The following TRPC4 variants were observed in gnomAD, a reference collection of about 807,000 sequenced individuals.
TRPC4 encodes the protein transient receptor potential cation channel subfamily C member 4, also known as short transient receptor potential channel 4.
Under a neutral mutation model 99.4 loss-of-function variants are expected in TRPC4, and 49 were observed. The ratio of observed to expected loss-of-function variants is 0.49; its 90% CI spans 0.39 to 0.63. The LOEUF (loss-of-function observed/expected upper bound fraction) is 0.63, where lower values mean the gene tolerates loss of function less well. Among genes scored for constraint, TRPC4 ranks in the 20% least tolerant of loss-of-function variants. The pLI is 0.00. For synonymous variants in TRPC4, 454 were observed against 425.9 expected (o/e 1.07, Z -0.81); for missense variants, 898 against 1,152.9 (o/e 0.78, Z 3.20).
intron 5 of TRPC4, among the ~76,000 whole-genome samples, chr13:37,665,829 C>A (rs527400413): frequency 7.7e-5 from 10 of 129,742 alleles, no homozygotes; most frequent in African/African-American, 3.0e-4. Context: ...GGTAAATTAT[C>A]TCAGCTGAGA....
chr13:37,722,692 T>C (rs559697677), intron 3 of TRPC4, among the ~76,000 whole-genome samples: 1 of 152,346 alleles, frequency 6.6e-6, no homozygotes, highest in East Asian at 1.9e-4. Flanking sequence ...ATGTAGTTTA[T>C]TTCTACACAT....
intron 1 of TRPC4, among the ~76,000 whole-genome samples, chr13:37,857,932 A>G (rs989155889): frequency 1.3e-5 from 2 of 151,834 alleles, no homozygotes; most frequent in African/African-American, 4.8e-5. Flanking sequence ...CATCAAGTTA[A>G]AAAGTTTCTG....
intron 1 of TRPC4, among the ~76,000 whole-genome samples, chr13:37,806,002 T>G (rs567290626): frequency 6.6e-6 from 1 of 152,054 alleles, no homozygotes; most frequent in South Asian, 2.1e-4. Context: ...CAGGATAAAG[T>G]AAGAACAAAA....
intron 8 of TRPC4, among the ~76,000 whole-genome samples, chr13:37,640,284 T>C (rs573669708): frequency 6.6e-6 from 1 of 152,228 alleles, no homozygotes; most frequent in African/African-American, 2.4e-5. Flanking sequence ...CCTTAATAAA[T>C]AATCATAGGC....
chr13:37,861,102 A>G (rs1319287142), intron 1 of TRPC4, among the ~76,000 whole-genome samples: 1 of 151,526 alleles, frequency 6.6e-6, no homozygotes, highest in Non-Finnish European at 1.5e-5. Context: ...GAAGCATTAT[A>G]AGAAAGTAGA....
At chr13:37,779,436 C>A (rs1291912035) in intron 2 of TRPC4, among the ~76,000 whole-genome samples, 1 of 150,908 alleles carries the variant, frequency 6.6e-6, no homozygotes, top group East Asian at 2.0e-4. Context: ...AAAAAAAACC[C>A]AACTAAATTC....
intron 1 of TRPC4, among the ~76,000 whole-genome samples, chr13:37,806,830 C>T (rs966700273): frequency 1.3e-5 from 2 of 152,114 alleles, no homozygotes; most frequent in South Asian, 2.1e-4. Flanking sequence ...GTGTCACGTC[C>T]AAACATAAGC....
At chr13:37,724,544 TAGGGAAGAAGG>T (rs1377634879) in intron 3 of TRPC4, among the ~76,000 whole-genome samples, 2 of 152,218 alleles carry the variant, frequency 1.3e-5, no homozygotes, top group African/African-American at 4.8e-5. Context: ...TATGAAGTTC[TAGGGAAGAAGG>T]ATTAGCAAAT....
intron 8 of TRPC4, among the ~76,000 whole-genome samples, chr13:37,640,459 AC>A (rs1471697543): frequency 6.6e-6 from 1 of 152,168 alleles, no homozygotes; most frequent in African/African-American, 2.4e-5. Flanking sequence ...ATTAGTAGTG[AC>A]TTGTAGAAAC....
intron 1 of TRPC4, among the ~76,000 whole-genome samples, chr13:37,849,600 A>T (rs1420323510): frequency 6.6e-6 from 1 of 152,210 alleles, no homozygotes; most frequent in African/African-American, 2.4e-5. Flanking sequence ...ACAAACCTAA[A>T]TGAATTTTCA....
intron 3 of TRPC4, among the ~76,000 whole-genome samples, chr13:37,725,796 G>C (rs1232104349): frequency 6.6e-6 from 1 of 152,128 alleles, no homozygotes; most frequent in Non-Finnish European, 1.5e-5. Flanking sequence ...TTCTAGACCA[G>C]CTCTGCAAGA....
At chr13:37,868,290 TG>T (rs999920800) in intron 1 of TRPC4, among the ~76,000 whole-genome samples, 3 of 74,910 alleles carry the variant, frequency 4.0e-5, no homozygotes, top group Non-Finnish European at 5.5e-5. Context: ...TTGATCTTAT[TG>T]TTTTTTTTCC....
intron 3 of TRPC4, among the ~76,000 whole-genome samples, chr13:37,737,256 G>T (rs1384844085): frequency 6.6e-6 from 1 of 151,004 alleles, no homozygotes; most frequent in East Asian, 1.9e-4. Flanking sequence ...AATAATAGCT[G>T]ATAATAATAG....
intron 4 of TRPC4, among the ~76,000 whole-genome samples, chr13:37,681,488 C>A (rs1486895550): frequency 2.0e-5 from 3 of 151,894 alleles, no homozygotes; most frequent in Non-Finnish European, 4.4e-5. Flanking sequence ...GATTGAATAT[C>A]ACTTTTTATA....
At chr13:37,716,625 T>C (rs1390351224) in intron 3 of TRPC4, among the ~76,000 whole-genome samples, 11 of 151,746 alleles carry the variant, frequency 7.2e-5, no homozygotes, top group Admixed American at 1.3e-4. Flanking sequence ...GGAGGGGAGG[T>C]CATTCTGAGG....
At chr13:37,717,824 C>G (rs1263052943) in intron 3 of TRPC4, among the ~76,000 whole-genome samples, 2 of 151,796 alleles carry the variant, frequency 1.3e-5, no homozygotes, top group African/African-American at 4.8e-5. Flanking sequence ...TATAGACCAA[C>G]CCCCCCGAAA....
chr13:37,752,522 G>T (rs1388198831), intron 2 of TRPC4, among the ~76,000 whole-genome samples: 2 of 151,930 alleles, frequency 1.3e-5, no homozygotes, highest in East Asian at 3.9e-4. Context: ...AAGCTAAAGT[G>T]ACCCCCTCAA....
intron 6 of TRPC4, among the ~76,000 whole-genome samples, chr13:37,657,898 G>T (rs1469322869): frequency 6.6e-6 from 1 of 152,000 alleles, no homozygotes; most frequent in Non-Finnish European, 1.5e-5. Context: ...AGTGGAATAA[G>T]TCAGTGGTGA....
At chr13:37,826,091 G>C (rs1469495848) in intron 1 of TRPC4, among the ~76,000 whole-genome samples, 1 of 132,700 alleles carries the variant, frequency 7.5e-6, no homozygotes, top group Non-Finnish European at 1.6e-5. Flanking sequence ...GACTAGGATT[G>C]CAACCCCTGC....
Sources: allele counts gnomAD v4.1 joint callset (sites outside exome capture counted in the v4.1 genomes callset), GRCh38; gene constraint gnomAD v4.1.1; transcripts MANE v1.5; gene names NCBI Gene and HGNC (gene_info 2026-07-23, HGNC 2026-07-21).